COL11A1: variants seen among roughly 807,000 people sequenced by gnomAD.
COL11A1 encodes collagen type XI alpha 1 chain.
A neutral mutation model predicts 265.2 loss-of-function variants in COL11A1; 74 were observed. The observed-to-expected ratio is 0.28, with a 90% CI of 0.23 to 0.34. The LOEUF (loss-of-function observed/expected upper bound fraction) is 0.34. Among genes scored for constraint, COL11A1 ranks in the 10% least tolerant of loss-of-function variants. The probability of loss-of-function intolerance (pLI) is 1.00; values close to 1 mark genes in which losing one functional copy is unlikely to be tolerated. For synonymous variants in COL11A1, 816 were observed against 727.6 expected (o/e 1.12, Z -1.96); for missense variants, 2,165 against 2,263.6 (o/e 0.96, Z 0.88).
chr1:102,972,537 A>G (rs997295017), intron 36 of COL11A1, among the ~76,000 whole-genome samples: 2 of 152,166 alleles, frequency 1.3e-5, no homozygotes, highest in African/African-American at 4.8e-5. Flanking sequence ...ATATCAAGCA[A>G]TTAGCCCTAA....
intron 41 of COL11A1, among the ~76,000 whole-genome samples, chr1:102,960,291 A>G (rs1006233014): frequency 6.6e-6 from 1 of 152,192 alleles, no homozygotes. Flanking sequence ...GTAATGCTAT[A>G]TAAAATTTAT....
intron 57 of COL11A1, among the ~76,000 whole-genome samples, chr1:102,891,568 T>G (rs1297002374): frequency 6.6e-6 from 1 of 151,882 alleles, no homozygotes; most frequent in East Asian, 1.9e-4. Flanking sequence ...AACAAACTGT[T>G]TTATCTATAA....
intron 4 of COL11A1, among the ~76,000 whole-genome samples, chr1:103,060,148 A>G (rs1412984173): frequency 6.6e-6 from 1 of 152,196 alleles, no homozygotes; most frequent in Non-Finnish European, 1.5e-5. Context: ...AGCGAAGATA[A>G]GAATTACATC....
chr1:103,054,398 A>G (rs1670061112), intron 4 of COL11A1, among the ~76,000 whole-genome samples: 1 of 152,300 alleles, frequency 6.6e-6, no homozygotes, highest in African/African-American at 2.4e-5. Context: ...ACAAGAGTAA[A>G]TGATAAAGTA....
chr1:103,048,569 T>G (rs1421853856), intron 4 of COL11A1, among the ~76,000 whole-genome samples: 2 of 152,208 alleles, frequency 1.3e-5, no homozygotes, highest in Non-Finnish European at 2.9e-5. Context: ...TCACTGATTT[T>G]TTGAAGGGTT....
At chr1:102,970,594 G>A (rs1661873513) in intron 36 of COL11A1, among the ~76,000 whole-genome samples, 4 of 151,994 alleles carry the variant, frequency 2.6e-5, no homozygotes. Flanking sequence ...TACTTCTTTA[G>A]CACTTCACAA....
Position 102,939,086 on chromosome 1 carries a change from A to G in COL11A1, c.3387T>C (p.Gly1129=), listed in dbSNP as rs533984546. The change falls in exon 44 of 67, where the codon GGT becomes GGC. Residue 1129 remains glycine (G), a splice_region_variant and synonymous_variant. Coordinates refer to ENST00000370096, the MANE Select transcript of COL11A1 (RefSeq NM_001854.4). The stretch of plus-strand genomic sequence containing the variant: ...CTTTTTGTCCCGGCTCACCAATTTC[A>G]CCCTGAAATTGAAAGATTTGACTTA... ...AGSPGEDGDK[G]EIGEPGQKGS... 5.6e-6 allele frequency: 9 copies of G among 1,613,454 alleles called. No individual in the cohort carries two copies. The Admixed American group carries it at 1.5e-4, about 27-fold the overall frequency.
chr1:103,024,030 T>C (rs1404493602), intron 7 of COL11A1, among the ~76,000 whole-genome samples: 1 of 152,200 alleles, frequency 6.6e-6, no homozygotes, highest in Admixed American at 6.5e-5. Context: ...TTTTTTCTCA[T>C]AATTCCTTAC....
At chr1:102,947,604 T>G (rs1570825295) in intron 41 of COL11A1, among the ~76,000 whole-genome samples, 1 of 152,200 alleles carries the variant, frequency 6.6e-6, no homozygotes, top group Middle Eastern at 3.4e-3. Context: ...GATTAGGTTT[T>G]TTAATTTTTT....
chr1:103,040,801 T>C (rs1668751230), intron 4 of COL11A1, among the ~76,000 whole-genome samples: 1 of 151,706 alleles, frequency 6.6e-6, no homozygotes, highest in Non-Finnish European at 1.5e-5. Context: ...TTTATTTTTC[T>C]TTAACTTTTA....
chr1:102,882,644 T>C (rs1028152890), intron 64 of COL11A1, among the ~76,000 whole-genome samples: 21 of 152,332 alleles, frequency 1.4e-4, no homozygotes, highest in African/African-American at 4.8e-4. Context: ...ATAAAATGTT[T>C]GGAGAATATA....
intron 35 of COL11A1, among the ~76,000 whole-genome samples, chr1:102,977,526 A>G (rs1251202481): frequency 2.0e-5 from 3 of 152,178 alleles, no homozygotes; most frequent in African/African-American, 7.2e-5. Context: ...AGGAAATATT[A>G]TTGATCATAA....
chr1:102,988,009 G>T (rs1663748866), intron 29 of COL11A1, among the ~76,000 whole-genome samples: 1 of 152,078 alleles, frequency 6.6e-6, no homozygotes, highest in Non-Finnish European at 1.5e-5. Context: ...TATGAGAGGG[G>T]TGTGAATTCC....
At chr1:103,090,736 A>G (rs552239976) in intron 1 of COL11A1, among the ~76,000 whole-genome samples, 2 of 152,212 alleles carry the variant, frequency 1.3e-5, no homozygotes, top group Non-Finnish European at 1.5e-5. Flanking sequence ...TAAAATTATT[A>G]TTCCATGAAA....
intron 1 of COL11A1, among the ~76,000 whole-genome samples, chr1:103,107,134 A>G (rs1674755487): frequency 6.6e-6 from 1 of 152,052 alleles, no homozygotes; most frequent in Admixed American, 6.6e-5. Flanking sequence ...GGGAGGGAGA[A>G]GGCGGAGGGG....
chr1:103,054,837 G>T (rs559108858), intron 4 of COL11A1, among the ~76,000 whole-genome samples: 38 of 152,228 alleles, frequency 2.5e-4, no homozygotes, highest in African/African-American at 8.4e-4. Flanking sequence ...GGAGGCAGAG[G>T]TTGCAGTGAG....
chr1:102,901,049 G>A (rs1653124966), intron 54 of COL11A1, among the ~76,000 whole-genome samples: 1 of 152,102 alleles, frequency 6.6e-6, no homozygotes, highest in Non-Finnish European at 1.5e-5. Context: ...GCCAGGCACA[G>A]CAGTTCATTC....
chr1:102,934,466 C>T lies in COL11A1; in HGVS notation c.3583G>A (p.Gly1195Ser). 6.2e-7 allele frequency: 1 copy of T among 1,613,252 alleles called. No individual in the cohort carries two copies. Among genetic ancestry groups the T allele is most frequent in the Non-Finnish European group, 8.5e-7 (1 of 1,179,234 alleles). ...EGARGFPGPPGPIGLQGLPGP... is the reference protein window; with the variant it reads ...EGARGFPGPPSPIGLQGLPGP... ...CATCTTACCTGAAGACCTATTGGAC[C>T]AGGAGGTCCAGGGAAGCCTCTGGCA... is the stretch of plus-strand genomic sequence containing the variant. The change falls in exon 46 of 67, where the codon GGT (glycine) becomes AGT (serine). Residue 1195 changes from glycine (G) to serine (S), a missense_variant. Physicochemically the swap from Gly to Ser is moderately conservative, Grantham distance 56. Coordinates refer to ENST00000370096, the MANE Select transcript of COL11A1 (RefSeq NM_001854.4).
chr1:103,078,799 A>G lies in COL11A1; in HGVS notation c.347T>C (p.Leu116Ser). The G allele has an allele frequency of 6.2e-7, 1 of 1,612,630 alleles. No individual in the cohort carries two copies. Among genetic ancestry groups the G allele is most frequent in the Non-Finnish European group, 8.5e-7 (1 of 1,179,004 alleles). ...KPKKGIQSFL[L>S]SIYNEHGIQQ... Reference sequence around the variant, plus strand: ...AATACCATGCTCATTATATATAGATAAAAGGAAAGACTGAATTCCTTTTTT... The same window carrying G: ...AATACCATGCTCATTATATATAGATGAAAGGAAAGACTGAATTCCTTTTTT... Residue 116 changes from leucine to serine, a missense_variant, in exon 3 of 67, where the codon TTA becomes TCA. Leu to Ser is a moderately radical substitution (Grantham distance 145). Transcript: ENST00000370096.
Sources: allele counts gnomAD v4.1 joint callset (sites outside exome capture counted in the v4.1 genomes callset), GRCh38; gene constraint gnomAD v4.1.1; transcripts MANE v1.5; gene names NCBI Gene and HGNC (gene_info 2026-07-23, HGNC 2026-07-21).